The following SGCZ variants were observed in gnomAD, a reference collection of about 807,000 sequenced individuals.
The protein encoded by SGCZ is sarcoglycan zeta, also known as zeta-sarcoglycan.
SGCZ carries 40 observed loss-of-function variants against 41.3 expected under a neutral mutation model. The observed-to-expected ratio is 0.97, with a 90% CI of 0.75 to 1.26. The LOEUF (loss-of-function observed/expected upper bound fraction) is 1.26. SGCZ is among the 50% of genes most tolerant of loss of function. SGCZ has a pLI of 0.00. For synonymous variants in SGCZ, 206 were observed against 137.5 expected (o/e 1.50, Z -3.49); for missense variants, 552 against 369.8 (o/e 1.49, Z -4.04).
At chr8:14,763,862 T>C (rs1000061894) in intron 1 of SGCZ, among the ~76,000 whole-genome samples, 1 of 152,232 alleles carries the variant, frequency 6.6e-6, no homozygotes, top group South Asian at 2.1e-4. Flanking sequence ...AGTTAGGAAC[T>C]ATGAGTTTCT....
intron 1 of SGCZ, among the ~76,000 whole-genome samples, chr8:14,696,275 G>A (rs1808959425): frequency 6.6e-6 from 1 of 152,012 alleles, no homozygotes; most frequent in African/African-American, 2.4e-5. Context: ...CCAAATATGA[G>A]AACTTTAGGG....
At chr8:15,054,246 A>T (rs1804623327) in intron 1 of SGCZ, among the ~76,000 whole-genome samples, 1 of 152,246 alleles carries the variant, frequency 6.6e-6, no homozygotes, top group African/African-American at 2.4e-5. Flanking sequence ...TTTTTAAAAT[A>T]GTCACCCACA....
chr8:14,450,350 C>A (rs1280536935), intron 2 of SGCZ, among the ~76,000 whole-genome samples: 1 of 152,162 alleles, frequency 6.6e-6, no homozygotes, highest in African/African-American at 2.4e-5. Context: ...TTCATTTCAG[C>A]CTCCACAGGA....
intron 2 of SGCZ, among the ~76,000 whole-genome samples, chr8:14,524,987 C>A (rs1802895916): frequency 6.6e-6 from 1 of 151,994 alleles, no homozygotes; most frequent in Admixed American, 6.6e-5. Context: ...GTCTCTTTGC[C>A]TCACCACTAT....
At chr8:14,349,267 C>G (rs1314600370) in intron 2 of SGCZ, among the ~76,000 whole-genome samples, 1 of 152,092 alleles carries the variant, frequency 6.6e-6, no homozygotes, top group Non-Finnish European at 1.5e-5. Context: ...CCTTCAATTC[C>G]CTTTTTCTCC....
chr8:15,138,498 C>T (rs1323352891), intron 1 of SGCZ, among the ~76,000 whole-genome samples: 1 of 152,048 alleles, frequency 6.6e-6, no homozygotes, highest in Non-Finnish European at 1.5e-5. Context: ...TCCCATAATC[C>T]CCACGGGTCA....
At chr8:14,339,539 G>A (rs777917639) in intron 2 of SGCZ, among the ~76,000 whole-genome samples, 7 of 152,230 alleles carry the variant, frequency 4.6e-5, no homozygotes, top group Middle Eastern at 6.8e-3. Flanking sequence ...TATTCCACAC[G>A]ACGAATCAGT....
intron 2 of SGCZ, among the ~76,000 whole-genome samples, chr8:14,325,967 C>A (rs1273360422): frequency 6.7e-6 from 1 of 148,896 alleles, no homozygotes; most frequent in Non-Finnish European, 1.5e-5. Flanking sequence ...AAAAAATTAG[C>A]CGGGCTTGGT....
chr8:14,512,483 CAA>C (rs1403107295), intron 2 of SGCZ, among the ~76,000 whole-genome samples: 25 of 152,142 alleles, frequency 1.6e-4, no homozygotes, highest in African/African-American at 6.0e-4. Flanking sequence ...ATTTTAGAGA[CAA>C]GATCTCGCTC....
intron 5 of SGCZ, among the ~76,000 whole-genome samples, chr8:14,136,378 G>A (rs776063501): frequency 1.3e-5 from 2 of 152,178 alleles, no homozygotes; most frequent in Non-Finnish European, 2.9e-5. Context: ...CAAGGGGTCA[G>A]AGAATTCCCT....
chr8:14,632,203 T>C (rs11989861), intron 1 of SGCZ, among the ~76,000 whole-genome samples: 5,259 of 151,852 alleles, frequency 0.035, 297 homozygotes, highest in African/African-American at 0.12. Context: ...GATTTTTTTT[T>C]ATAGAGACAA....
intron 1 of SGCZ, among the ~76,000 whole-genome samples, chr8:14,794,794 T>A (rs1054570119): frequency 1.3e-5 from 2 of 152,168 alleles, no homozygotes; most frequent in African/African-American, 2.4e-5. Flanking sequence ...GAGGGACAAA[T>A]CTGATCATAT....
At chr8:14,933,291 A>T (rs2130808683) in intron 1 of SGCZ, among the ~76,000 whole-genome samples, 1 of 152,096 alleles carries the variant, frequency 6.6e-6, no homozygotes, top group Non-Finnish European at 1.5e-5. Context: ...GCCTCATTTG[A>T]AGGTTCATGC....
intron 4 of SGCZ, among the ~76,000 whole-genome samples, chr8:14,228,807 T>C (rs1311670090): frequency 6.6e-6 from 1 of 152,076 alleles, no homozygotes; most frequent in African/African-American, 2.4e-5. Flanking sequence ...CCAAAGGCCA[T>C]ATATTCAAAT....
At chr8:15,166,707 T>C (rs186248487) in intron 1 of SGCZ, among the ~76,000 whole-genome samples, 2 of 152,376 alleles carry the variant, frequency 1.3e-5, no homozygotes, top group East Asian at 3.9e-4. Flanking sequence ...ACCAAACTTA[T>C]TTGTCAATTG....
chr8:14,270,724 A>G (rs1212149406), intron 3 of SGCZ, among the ~76,000 whole-genome samples: 1 of 152,318 alleles, frequency 6.6e-6, no homozygotes, highest in East Asian at 1.9e-4. Flanking sequence ...CACTATTTCT[A>G]TACATCATTT....
intron 3 of SGCZ, among the ~76,000 whole-genome samples, chr8:14,288,540 C>G (rs1207235485): frequency 6.6e-6 from 1 of 152,062 alleles, no homozygotes; most frequent in Non-Finnish European, 1.5e-5. Flanking sequence ...AATAAATGAC[C>G]TTTTTGGTCA....
At chr8:14,866,327 C>T (rs1218999268) in intron 1 of SGCZ, among the ~76,000 whole-genome samples, 2 of 152,014 alleles carry the variant, frequency 1.3e-5, no homozygotes, top group Admixed American at 6.6e-5. Flanking sequence ...ATTGCTACTA[C>T]AGATTAAAAG....
chr8:14,180,606 TG>T (rs1450406069), intron 4 of SGCZ, among the ~76,000 whole-genome samples: 1 of 151,376 alleles, frequency 6.6e-6, no homozygotes, highest in African/African-American at 2.4e-5. Flanking sequence ...GTTCCAGGAG[TG>T]CTCTTTAAGG....
Sources: allele counts gnomAD v4.1 joint callset (sites outside exome capture counted in the v4.1 genomes callset), GRCh38; gene constraint gnomAD v4.1.1; transcripts MANE v1.5; gene names NCBI Gene and HGNC (gene_info 2026-07-23, HGNC 2026-07-21).